ALPL: variants seen among roughly 807,000 people sequenced by gnomAD.
ALPL encodes alkaline phosphatase, tissue-nonspecific isozyme.
A neutral mutation model predicts 51.3 loss-of-function variants in ALPL; 42 were observed. The ratio of observed to expected loss-of-function variants is 0.82; its 90% CI spans 0.64 to 1.06. ALPL has a LOEUF of 1.06. Among genes scored for constraint, ALPL ranks in the 50% least tolerant of loss-of-function variants. The pLI, the probability that ALPL is intolerant of heterozygous loss-of-function variation, is 0.00. For missense variants in ALPL, 589 were observed against 709.4 expected (o/e 0.83, Z 1.93); for synonymous variants, 279 against 296.4 (o/e 0.94, Z 0.60).
intron 1 of ALPL, among the ~76,000 whole-genome samples, chr1:21,542,568 G>T (rs1393611165): frequency 6.6e-6 from 1 of 152,184 alleles, no homozygotes; most frequent in Non-Finnish European, 1.5e-5. Context: ...CCAGCCAGGC[G>T]CAGTGGCTCA....
At chr1:21,551,883 T>G (rs778250618) in intron 1 of ALPL, among the ~76,000 whole-genome samples, 10 of 151,580 alleles carry the variant, frequency 6.6e-5, no homozygotes, top group South Asian at 4.2e-4. Flanking sequence ...CCGCTACCTC[T>G]CCCGGCTAAT....
intron 4 of ALPL, among the ~76,000 whole-genome samples, chr1:21,561,500 C>G (rs1200180216): frequency 6.6e-6 from 1 of 152,102 alleles, no homozygotes; most frequent in Non-Finnish European, 1.5e-5. Flanking sequence ...AGCCATCCTC[C>G]CACGTTAGCC....
At chr1:21,557,489 T>G (rs1488865391) in intron 2 of ALPL, among the ~76,000 whole-genome samples, 4 of 152,220 alleles carry the variant, frequency 2.6e-5, no homozygotes, top group African/African-American at 7.2e-5. Flanking sequence ...CCCTGCCTTC[T>G]CAGCACTTAC....
intron 1 of ALPL, among the ~76,000 whole-genome samples, chr1:21,544,784 A>G (rs1644231704): frequency 6.6e-6 from 1 of 152,156 alleles, no homozygotes. Context: ...GTTTTGGACT[A>G]AATGCATACA....
intron 2 of ALPL, among the ~76,000 whole-genome samples, chr1:21,559,257 G>T (rs1644453411): frequency 6.6e-6 from 1 of 152,164 alleles, no homozygotes; most frequent in African/African-American, 2.4e-5. Context: ...ATCTGATAGG[G>T]CCCTGGGACA....
chr1:21,566,623 T>C (rs1256156080), intron 6 of ALPL, among the ~76,000 whole-genome samples: 2 of 150,714 alleles, frequency 1.3e-5, no homozygotes, highest in Non-Finnish European at 3.0e-5. Flanking sequence ...AGGGTCTCAC[T>C]CTGTTGCCCA....
At chr1:21,558,082 C>A (rs1304870930) in intron 2 of ALPL, among the ~76,000 whole-genome samples, 1 of 152,246 alleles carries the variant, frequency 6.6e-6, no homozygotes, top group Non-Finnish European at 1.5e-5. Flanking sequence ...CTCTTGGAAT[C>A]CAGTTGTCCA....
chr1:21,527,301 G>A (rs779800081), intron 1 of ALPL, among the ~76,000 whole-genome samples: 20 of 152,042 alleles, frequency 1.3e-4, no homozygotes, highest in Non-Finnish European at 2.6e-4. Context: ...CAAAGTGCTG[G>A]GATTACAGGT....
chr1:21,520,356 C>T (rs575462139), intron 1 of ALPL, among the ~76,000 whole-genome samples: 1 of 152,078 alleles, frequency 6.6e-6, no homozygotes, highest in African/African-American at 2.4e-5. Context: ...TCTTGAACTC[C>T]TGGGCTCAGG....
chr1:21,519,567 C>T (rs182962412), intron 1 of ALPL, among the ~76,000 whole-genome samples: 36 of 152,314 alleles, frequency 2.4e-4, no homozygotes, highest in African/African-American at 8.4e-4. Context: ...GAGGCCAAGG[C>T]GGGCAGATCA....
In ALPL at chr1:21,549,760, G is replaced by A. The variant is rs527714028; in HGVS notation, c.-104-4218G>A. Among the ~76,000 whole-genome samples, 62 of 152,256 alleles carry A rather than the reference G, an allele frequency of 4.1e-4. No individual in the cohort carries two copies. In the Middle Eastern group the frequency reaches 0.017, roughly 42 times the overall value. ...TTACAGGTGTGAGCCATCGCACTTGGCTCGGTAGTATATGGCTCAGAAACA... is the reference window on the plus strand; with the variant it reads ...TTACAGGTGTGAGCCATCGCACTTGACTCGGTAGTATATGGCTCAGAAACA... On this transcript the variant is annotated intron_variant, in intron 1 of 11. Coordinates refer to ENST00000374840, the MANE Select transcript of ALPL (RefSeq NM_000478.6).
rs553232957 is a variant in ALPL at position 21,566,429 on chromosome 1, G to A, written c.649-1675G>A. On this transcript the variant is annotated intron_variant, in intron 6 of 11. Coordinates refer to ENST00000374840, the MANE Select transcript of ALPL (RefSeq NM_000478.6). Reference sequence around the variant, plus strand: ...CTCCTGAGTAGCTGGGATTATAGGCGCACATCACCACGCCCGGCTAATTTT... The same window carrying A: ...CTCCTGAGTAGCTGGGATTATAGGCACACATCACCACGCCCGGCTAATTTT... Among the ~76,000 whole-genome samples, 10 of 151,794 alleles carry A rather than the reference G, an allele frequency of 6.6e-5. 1 individual carries two copies. In the East Asian group the frequency reaches 1.4e-3, roughly 21 times the overall value.
At position 21,529,469 on chromosome 1, in the gene ALPL, A is replaced by T. The variant is rs548105644; in HGVS notation, c.-105+19952A>T. Among the ~76,000 whole-genome samples, 9 of 152,198 alleles carry T rather than the reference A, an allele frequency of 5.9e-5. 1 individual carries two copies. The South Asian group carries it at 1.7e-3, about 28-fold the overall frequency. On this transcript the variant is annotated intron_variant, in intron 1 of 11. Coordinates refer to ENST00000374840, the MANE Select transcript of ALPL (RefSeq NM_000478.6). ...ATGAGGTTCTTGCCATGTTTCCTGGACCTTCCAAAGTGTTGGAATTCCAGT... is the reference window on the plus strand; with the variant it reads ...ATGAGGTTCTTGCCATGTTTCCTGGTCCTTCCAAAGTGTTGGAATTCCAGT...
At chr1:21,573,985 C>T in intron 9 of ALPL, 186 bp downstream of exon 9, 1 of 985,470 alleles carries the variant, frequency 1.0e-6, no homozygotes, top group Non-Finnish European at 1.2e-6. Flanking sequence ...AGCTGCTCTC[C>T]TTTGGGCATG....
intron 2 of ALPL, among the ~76,000 whole-genome samples, chr1:21,554,792 TCTGTCTG>T (rs1558543591): frequency 0.015 from 1,335 of 89,860 alleles, 43 homozygotes; most frequent in African/African-American, 0.028. Flanking sequence ...GCCTGGCCTG[TCTGTCTG>T]TCTGTCTGTC....
Position 21,577,497 on chromosome 1 carries a change from A to C in ALPL, c.1424A>C (p.His475Pro). ...GPMAHLLHGVHEQNYVPHVMA... is the reference protein window; with the variant it reads ...GPMAHLLHGVPEQNYVPHVMA... ...ATGGCGCACCTGCTGCACGGCGTCCACGAGCAGAACTACGTCCCCCACGTG... is the reference window on the plus strand; with the variant it reads ...ATGGCGCACCTGCTGCACGGCGTCCCCGAGCAGAACTACGTCCCCCACGTG... Residue 475 changes from histidine (H) to proline (P), a missense_variant, in exon 12 of 12, where the codon CAC becomes CCC. By Grantham distance (77) the His-to-Pro change is moderately conservative. Coordinates refer to ENST00000374840, the MANE Select transcript of ALPL (RefSeq NM_000478.6). 1 of 1,609,082 alleles carries C rather than the reference A, an allele frequency of 6.2e-7. No homozygotes were observed. The highest frequency in any genetic ancestry group is 8.5e-7 in the Non-Finnish European group (1 of 1,179,894).
chr1:21,576,013 A>G, intron 10 of ALPL, 89 bp downstream of exon 10: 4 of 1,487,778 alleles, frequency 2.7e-6, no homozygotes, highest in Non-Finnish European at 3.7e-6. Flanking sequence ...CAGCAAGCCC[A>G]GAGCATGGTG....
chr1:21,558,919 T>C (rs943525132), intron 2 of ALPL, among the ~76,000 whole-genome samples: 9 of 152,188 alleles, frequency 5.9e-5, no homozygotes, highest in Non-Finnish European at 1.2e-4. Context: ...TCTCAGGCTC[T>C]CCATTTCCTA....
intron 1 of ALPL, among the ~76,000 whole-genome samples, chr1:21,537,121 C>T (rs1329215789): frequency 1.3e-5 from 2 of 152,108 alleles, no homozygotes; most frequent in African/African-American, 4.8e-5. Context: ...TGGTCTTGAT[C>T]TCCTGACCTT....
Sources: allele counts gnomAD v4.1 joint callset (sites outside exome capture counted in the v4.1 genomes callset), GRCh38; gene constraint gnomAD v4.1.1; transcripts MANE v1.5; gene names NCBI Gene and HGNC (gene_info 2026-07-23, HGNC 2026-07-21).